The following NLN variants were observed in gnomAD, a reference collection of about 807,000 sequenced individuals.
The protein encoded by NLN is neurolysin, also known as neurolysin, mitochondrial.
A neutral mutation model predicts 79.9 loss-of-function variants in NLN; 64 were observed. The observed-to-expected ratio is 0.80, with a 90% confidence interval of 0.65 to 0.99. The LOEUF is 0.99. Ranked by LOEUF, NLN falls within the 50% of genes least tolerant of loss-of-function variation. The pLI, the probability that NLN is intolerant of heterozygous loss-of-function variation, is 0.00. For synonymous variants in NLN, 267 were observed against 296.6 expected (o/e 0.90, Z 1.02); for missense variants, 835 against 858.7 (o/e 0.97, Z 0.34).
chr5:65,766,862 C>T (rs754315352), intron 3 of NLN, among the ~76,000 whole-genome samples: 9 of 152,234 alleles, frequency 5.9e-5, no homozygotes, highest in Non-Finnish European at 1.3e-4. Context: ...CTATGCAAGT[C>T]CAAAACCTGG....
At chr5:65,818,887 T>G (rs1760731088) in intron 12 of NLN, 1 of 152,290 alleles carries the variant, frequency 6.6e-6, no homozygotes, top group Non-Finnish European at 1.5e-5. Flanking sequence ...AGAGCCTGCA[T>G]GTGCTGCTGC....
At chr5:65,812,584 TA>T (rs1260775638) in intron 12 of NLN, among the ~76,000 whole-genome samples, 193 bp downstream of exon 12, 4 of 152,006 alleles carry the variant, frequency 2.6e-5, no homozygotes, top group Non-Finnish European at 2.9e-5. Flanking sequence ...TTCTATAGTT[TA>T]AAAAAAACTA....
chr5:65,818,389 C>T (rs577095116), intron 12 of NLN, among the ~76,000 whole-genome samples: 1 of 151,952 alleles, frequency 6.6e-6, no homozygotes, highest in Non-Finnish European at 1.5e-5. Context: ...ACTTCTCTAC[C>T]CCCCCATACA....
chr5:65,821,042 CA>C (rs1326744179), intron 12 of NLN, among the ~76,000 whole-genome samples: 2,033 of 57,470 alleles, frequency 0.035, 35 homozygotes, highest in African/African-American at 0.11. Flanking sequence ...GACTCTGTCT[CA>C]AAAAAAAAAA....
chr5:65,770,359 G>T (rs752287896), intron 3 of NLN, among the ~76,000 whole-genome samples: 4 of 152,086 alleles, frequency 2.6e-5, no homozygotes, highest in Non-Finnish European at 5.9e-5. Flanking sequence ...AGAAAAATGG[G>T]CAAATGATAT....
In NLN at chr5:65,749,537, G is replaced by T. The variant is rs1267487735; in HGVS notation, c.42-9030G>T. ...CCTGTGACAGGGTTGAGGATGTAGGGTAGGGGGTTGAGTGTCCAAGAAAGA... is the reference window on the plus strand; with the variant it reads ...CCTGTGACAGGGTTGAGGATGTAGGTTAGGGGGTTGAGTGTCCAAGAAAGA... On this transcript the variant is annotated intron_variant, in intron 1 of 12. Transcript: ENST00000380985. 3.9e-5 allele frequency among the ~76,000 whole-genome samples: 6 copies of T among 152,304 alleles called. No individual in the cohort carries two copies. In the South Asian group the frequency reaches 1.2e-3, roughly 32 times the overall value.
intron 9 of NLN, among the ~76,000 whole-genome samples, chr5:65,806,295 T>C (rs1392543904): frequency 6.6e-6 from 1 of 152,212 alleles, no homozygotes; most frequent in Non-Finnish European, 1.5e-5. Context: ...CTGCCATATA[T>C]AGTAATTTCT....
At position 65,733,801 on chromosome 5, in the gene NLN, C is replaced by G. The variant is rs1758665419; in HGVS notation, c.41+11387C>G. Reference sequence around the variant, plus strand: ...GTGGCACAATCTCAGCTCACTGCAACTTCCACCTCCCAGGTTCAAGTGATT... The same window carrying G: ...GTGGCACAATCTCAGCTCACTGCAAGTTCCACCTCCCAGGTTCAAGTGATT... On this transcript the variant is annotated intron_variant, in intron 1 of 12. Coordinates refer to ENST00000380985, the MANE Select transcript of NLN (RefSeq NM_020726.5). 5 of 556,936 alleles carry G rather than the reference C, an allele frequency of 9.0e-6. No individual in the cohort carries two copies. In the Admixed American group the frequency reaches 1.7e-4, roughly 18 times the overall value. The allele number at this position is 556,936 out of a possible 1,614,324, so 34.5% of individuals were successfully genotyped here. A position where few individuals can be genotyped will look rare whatever the true frequency, so the allele number is the denominator to read the frequency against.
At chr5:65,777,574 GAATA>G (rs1216816675) in intron 4 of NLN, 40 bp downstream of exon 4, 1 of 1,261,154 alleles carries the variant, frequency 7.9e-7, no homozygotes, top group Non-Finnish European at 1.1e-6. Context: ...AAAAAAAAAT[GAATA>G]AATAAAACAA....
chr5:65,740,545 G>A (rs1281881948), intron 1 of NLN, among the ~76,000 whole-genome samples: 1 of 152,088 alleles, frequency 6.6e-6, no homozygotes, highest in Non-Finnish European at 1.5e-5. Flanking sequence ...TCACAGTTTA[G>A]GATCTTACAT....
At chr5:65,790,661 A>C (rs982395431) in intron 8 of NLN, among the ~76,000 whole-genome samples, 1 of 152,232 alleles carries the variant, frequency 6.6e-6, no homozygotes, top group Non-Finnish European at 1.5e-5. Flanking sequence ...ATTCAAGATA[A>C]GCTTTGGGTG....
chr5:65,805,622 G>C (rs1760395044), intron 9 of NLN, among the ~76,000 whole-genome samples: 1 of 152,218 alleles, frequency 6.6e-6, no homozygotes, highest in Non-Finnish European at 1.5e-5. Context: ...AGCAGAGGTT[G>C]GTTCATGAGT....
intron 1 of NLN, among the ~76,000 whole-genome samples, chr5:65,741,382 A>G (rs1024171802): frequency 6.6e-6 from 1 of 152,174 alleles, no homozygotes; most frequent in African/African-American, 2.4e-5. Context: ...AAACATAATC[A>G]TAATACCATT....
At position 65,811,669 on chromosome 5, in the gene NLN, G is replaced by T. The variant is rs573123568; in HGVS notation, c.1844-586G>T. On this transcript the variant is annotated intron_variant, in intron 11 of 12. Transcript: ENST00000380985. Reference sequence around the variant, plus strand: ...AAACCCTGTATCTACTAAAAAATATGAAAATTAGCCGGCGTGGTGGCATGC... The same window carrying T: ...AAACCCTGTATCTACTAAAAAATATTAAAATTAGCCGGCGTGGTGGCATGC... 1.3e-3 allele frequency among the ~76,000 whole-genome samples: 191 copies of T among 152,032 alleles called. 1 individual carries two copies. Among genetic ancestry groups the T allele is most frequent in the Admixed American group, 2.0e-3 (31 of 15,246 alleles).
At chr5:65,763,540 T>TG (rs1217570509) in intron 3 of NLN, among the ~76,000 whole-genome samples, 2 of 152,162 alleles carry the variant, frequency 1.3e-5, no homozygotes, top group Non-Finnish European at 2.9e-5. Flanking sequence ...TTTCAAGACT[T>TG]GGGGAAATTA....
intron 2 of NLN, 44 bp from the exon 3 acceptor site, chr5:65,762,916 G>T: frequency 6.3e-7 from 1 of 1,593,508 alleles, no homozygotes; most frequent in South Asian, 1.1e-5. Context: ...ATACTGATTT[G>T]ACAAGTCCTG....
At chr5:65,725,097 G>T (rs973540267) in intron 1 of NLN, among the ~76,000 whole-genome samples, 1 of 152,046 alleles carries the variant, frequency 6.6e-6, no homozygotes, top group Admixed American at 6.6e-5. Context: ...GAGCCACTGC[G>T]CCCGGCAGAA....
At chr5:65,807,818 A>C (rs1181403947) in intron 9 of NLN, among the ~76,000 whole-genome samples, 1 of 152,192 alleles carries the variant, frequency 6.6e-6, no homozygotes, top group Non-Finnish European at 1.5e-5. Context: ...TTTCATCTGC[A>C]CTGGGAAATC....
chr5:65,788,348 T>C lies in NLN; in HGVS notation c.1189T>C (p.Tyr397His), dbSNP rs766201198. Reference protein sequence around the residue: ...EVVTEGLLNTYQELLGLSFEQ... With the variant: ...EVVTEGLLNTHQELLGLSFEQ... Reference sequence around the variant, plus strand: ...GGTCACTGAAGGCTTGCTGAACACCTACCAGGAGTTGTTGGGACTTTCATT... The same window carrying C: ...GGTCACTGAAGGCTTGCTGAACACCCACCAGGAGTTGTTGGGACTTTCATT... Residue 397 changes from tyrosine to histidine, a missense_variant, in exon 8 of 13, where the codon TAC becomes CAC. Coordinates refer to ENST00000380985, the MANE Select transcript of NLN (RefSeq NM_020726.5). The C allele has an allele frequency of 1.2e-6, 2 of 1,614,222 alleles. No homozygotes were observed. The highest frequency in any genetic ancestry group is 1.7e-5 in the Admixed American group (1 of 60,022).
Sources: allele counts gnomAD v4.1 joint callset (sites outside exome capture counted in the v4.1 genomes callset), GRCh38; gene constraint gnomAD v4.1.1; transcripts MANE v1.5; gene names NCBI Gene and HGNC (gene_info 2026-07-23, HGNC 2026-07-21).